FARS2: variants seen among roughly 807,000 people sequenced by gnomAD.
FARS2 encodes phenylalanine--tRNA ligase, mitochondrial.
In FARS2, 40 loss-of-function variants were observed where a neutral mutation model predicts 46.4. The observed-to-expected ratio is 0.86, with a 90% CI of 0.67 to 1.12. The LOEUF (loss-of-function observed/expected upper bound fraction) is 1.12, where lower values mean the gene tolerates loss of function less well. Ranked by LOEUF, FARS2 falls within the 50% of genes most tolerant of loss-of-function variation. The pLI is 0.00. For synonymous variants in FARS2, 234 were observed against 214.9 expected, an observed-to-expected ratio of 1.09 and a Z score of -0.78; for missense variants, 513 against 567.9, an observed-to-expected ratio of 0.90 and a Z score of 0.98.
intron 6 of FARS2, among the ~76,000 whole-genome samples, chr6:5,627,752 T>C (rs1329876649): frequency 1.3e-5 from 2 of 152,200 alleles, no homozygotes; most frequent in African/African-American, 4.8e-5. Flanking sequence ...GAGAAAGAAA[T>C]TCCATCAACA....
intron 6 of FARS2, among the ~76,000 whole-genome samples, chr6:5,674,762 C>G (rs1484588745): frequency 6.6e-6 from 1 of 152,128 alleles, no homozygotes; most frequent in Non-Finnish European, 1.5e-5. Flanking sequence ...TTTCGTTCTT[C>G]TGGGAGCAGT....
At chr6:5,366,773 T>A (rs1455611498) in intron 1 of FARS2, among the ~76,000 whole-genome samples, 1 of 152,210 alleles carries the variant, frequency 6.6e-6, no homozygotes, top group Non-Finnish European at 1.5e-5. Context: ...CTAACACATA[T>A]GCCTTTGGGA....
chr6:5,294,561 C>T (rs1320422379), intron 1 of FARS2, among the ~76,000 whole-genome samples: 1 of 152,170 alleles, frequency 6.6e-6, no homozygotes, highest in Non-Finnish European at 1.5e-5. Flanking sequence ...TGACTGTCCC[C>T]CTCGCTCCCT....
At chr6:5,611,148 CAGTG>C (rs1218975772) in intron 5 of FARS2, among the ~76,000 whole-genome samples, 1 of 152,180 alleles carries the variant, frequency 6.6e-6, no homozygotes, top group Non-Finnish European at 1.5e-5. Flanking sequence ...AGTACACAAA[CAGTG>C]AGGATGAAAA....
At chr6:5,300,294 A>G (rs1426068075) in intron 1 of FARS2, among the ~76,000 whole-genome samples, 1 of 152,232 alleles carries the variant, frequency 6.6e-6, no homozygotes, top group Non-Finnish European at 1.5e-5. Context: ...ACATGTAAGT[A>G]TATATAACAT....
At chr6:5,540,398 A>G (rs901148334) in intron 4 of FARS2, among the ~76,000 whole-genome samples, 3 of 152,214 alleles carry the variant, frequency 2.0e-5, no homozygotes, top group African/African-American at 7.2e-5. Flanking sequence ...CAAGCAATGA[A>G]TGAAGCATTT....
At position 5,425,521 on chromosome 6, in the gene FARS2, A is replaced by G. The variant is rs896155419; in HGVS notation, c.773-5520A>G. Among the ~76,000 whole-genome samples, 5 of 152,270 alleles carry G rather than the reference A, an allele frequency of 3.3e-5. No individual in the cohort carries two copies. In the South Asian group the frequency reaches 8.3e-4, roughly 25 times the overall value. The stretch of plus-strand genomic sequence containing the variant: ...GTGGGAAGAGACCAAACACACACAC[A>G]CACACACCCGCCCTGCAAGTGTCCC... On this transcript the variant is annotated intron_variant, in intron 3 of 6. Coordinates refer to ENST00000274680, the MANE Select transcript of FARS2 (RefSeq NM_006567.5).
intron 1 of FARS2, among the ~76,000 whole-genome samples, chr6:5,323,310 G>A (rs150308269): frequency 6.6e-6 from 1 of 152,222 alleles, no homozygotes; most frequent in East Asian, 1.9e-4. Flanking sequence ...GACCGACTGG[G>A]TCATTTAAAG....
intron 4 of FARS2, among the ~76,000 whole-genome samples, chr6:5,513,399 T>C (rs191469365): frequency 2.6e-5 from 4 of 152,266 alleles, no homozygotes; most frequent in South Asian, 4.1e-4. Flanking sequence ...AAAAGGACCA[T>C]ACCAGAAAGT....
intron 2 of FARS2, among the ~76,000 whole-genome samples, chr6:5,403,336 C>T (rs1761371588): frequency 6.6e-6 from 1 of 152,048 alleles, no homozygotes; most frequent in Non-Finnish European, 1.5e-5. Flanking sequence ...TCATCCTCAT[C>T]AGGGGGATGA....
chr6:5,578,645 T>TA (rs1773129581), intron 5 of FARS2, among the ~76,000 whole-genome samples: 1 of 151,410 alleles, frequency 6.6e-6, no homozygotes, highest in Admixed American at 6.6e-5. Flanking sequence ...CCATCTCCAC[T>TA]AAAAATACAA....
At chr6:5,744,970 G>A (rs78060509) in intron 6 of FARS2, among the ~76,000 whole-genome samples, 2,669 of 152,252 alleles carry the variant, frequency 0.018, 63 homozygotes, top group East Asian at 0.094. Context: ...TCCTAGTCAC[G>A]ACCTTACCTG....
rs1313835225 is a variant in FARS2 at position 5,764,297 on chromosome 6, C to T, written c.1218-6994C>T. ...TCTAGCTGCAAAGTCTGGTTCTCCA[C>T]TCCACCATGCCCATTCACTTCTATA... is the stretch of plus-strand genomic sequence containing the variant. On this transcript the variant is annotated intron_variant, in intron 6 of 6. Coordinates refer to ENST00000274680, the MANE Select transcript of FARS2 (RefSeq NM_006567.5). This position sits in a 1 kb window ranked among gnomAD's most constrained non-coding sequence, Gnocchi z 4.1. Among the ~76,000 whole-genome samples the T allele has an allele frequency of 6.6e-6, 1 of 152,156 alleles. No homozygotes were observed. Among genetic ancestry groups the T allele is most frequent in the Non-Finnish European group, 1.5e-5 (1 of 68,032 alleles).
At chr6:5,473,888 G>A (rs893055872) in intron 4 of FARS2, among the ~76,000 whole-genome samples, 18 of 152,148 alleles carry the variant, frequency 1.2e-4, no homozygotes, top group East Asian at 1.9e-4. Flanking sequence ...AATGGACGCC[G>A]CCCTGCTGGA....
chr6:5,684,111 G>A (rs991927219), intron 6 of FARS2, among the ~76,000 whole-genome samples: 2 of 152,114 alleles, frequency 1.3e-5, no homozygotes, highest in Non-Finnish European at 1.5e-5. Flanking sequence ...GCGGTTTCTT[G>A]TATACCTGCC....
chr6:5,690,929 T>G (rs943270771), intron 6 of FARS2, among the ~76,000 whole-genome samples: 1 of 152,248 alleles, frequency 6.6e-6, no homozygotes, highest in Non-Finnish European at 1.5e-5. Context: ...ACTTCTCTTC[T>G]CGCTTCATTT....
chr6:5,439,613 A>G (rs1763729669), intron 4 of FARS2, among the ~76,000 whole-genome samples: 1 of 152,204 alleles, frequency 6.6e-6, no homozygotes, highest in Non-Finnish European at 1.5e-5. Flanking sequence ...TCATGCCCCC[A>G]TAGTGGACCT....
chr6:5,494,415 C>T (rs1163651202), intron 4 of FARS2, among the ~76,000 whole-genome samples: 1 of 152,224 alleles, frequency 6.6e-6, no homozygotes, highest in Admixed American at 6.5e-5. Context: ...TGCGGCTTCA[C>T]ACTGCCTCGC....
intron 1 of FARS2, among the ~76,000 whole-genome samples, chr6:5,335,681 G>A (rs1771104985): frequency 6.6e-6 from 1 of 152,140 alleles, no homozygotes; most frequent in South Asian, 2.1e-4. Context: ...GGATGATTCA[G>A]TGTGTAAGAG....
Sources: allele counts gnomAD v4.1 joint callset (sites outside exome capture counted in the v4.1 genomes callset), GRCh38; gene constraint gnomAD v4.1.1; non-coding constraint Gnocchi (gnomAD v3.1); transcripts MANE v1.5; gene names NCBI Gene and HGNC (gene_info 2026-07-23, HGNC 2026-07-21).